The following NPEPPS variants were observed in gnomAD, a reference collection of about 807,000 sequenced individuals.
NPEPPS encodes the protein puromycin-sensitive aminopeptidase.
Under a neutral mutation model 115.5 loss-of-function variants are expected in NPEPPS, and 14 were observed. The ratio of observed to expected loss-of-function variants is 0.12; its 90% CI spans 0.08 to 0.19. The LOEUF (loss-of-function observed/expected upper bound fraction) is 0.19. Among genes scored for constraint, NPEPPS ranks in the 10% least tolerant of loss-of-function variants. The probability of loss-of-function intolerance (pLI) is 1.00; values close to 1 mark genes in which losing one functional copy is unlikely to be tolerated. For missense variants in NPEPPS, 523 were observed against 1,110.8 expected (o/e 0.47, Z 7.52); for synonymous variants, 285 against 390.6 (o/e 0.73, Z 3.19).
intron 14 of NPEPPS, 139 bp downstream of exon 14, chr17:47,599,878 C>T (rs1054738536): frequency 8.7e-6 from 6 of 689,168 alleles, no homozygotes; most frequent in African/African-American, 1.8e-5. Context: ...AGTGCCATAG[C>T]GTGATCTTGG....
intron 2 of NPEPPS, among the ~76,000 whole-genome samples, chr17:47,561,768 C>G (rs1210360825): frequency 6.6e-6 from 1 of 152,218 alleles, no homozygotes; most frequent in Non-Finnish European, 1.5e-5. Flanking sequence ...CCTACCTTGT[C>G]TGATTGGAGG....
At chr17:47,598,508 C>T (rs1004608736) in intron 13 of NPEPPS, among the ~76,000 whole-genome samples, 3 of 152,234 alleles carry the variant, frequency 2.0e-5, no homozygotes, top group Admixed American at 2.0e-4. Context: ...CGCAGTGGCT[C>T]ACATTTGTAA....
At chr17:47,560,503 A>G (rs1910358716) in intron 2 of NPEPPS, among the ~76,000 whole-genome samples, 1 of 152,210 alleles carries the variant, frequency 6.6e-6, no homozygotes, top group Non-Finnish European at 1.5e-5. Flanking sequence ...CTGTCAGTAT[A>G]GGTACTGCTT....
upstream of NPEPPS, among the ~76,000 whole-genome samples, chr17:47,528,017 A>C (rs957065767): frequency 6.6e-6 from 1 of 151,778 alleles, no homozygotes; most frequent in Non-Finnish European, 1.5e-5. Context: ...TTATTATTAT[A>C]TGGGCTGGGC....
chr17:47,606,348 A>C (rs1913515565), intron 17 of NPEPPS, among the ~76,000 whole-genome samples: 2 of 152,044 alleles, frequency 1.3e-5, no homozygotes, highest in South Asian at 4.1e-4. Context: ...ACATATCATT[A>C]TTTTTTATCA....
At chr17:47,549,155 G>A (rs1909450733) in intron 2 of NPEPPS, among the ~76,000 whole-genome samples, 1 of 151,670 alleles carries the variant, frequency 6.6e-6, no homozygotes, top group Non-Finnish European at 1.5e-5. Flanking sequence ...CCAGCCTAGC[G>A]AAGATGGTGA....
At chr17:47,556,329 C>T (rs1910031961) in intron 2 of NPEPPS, among the ~76,000 whole-genome samples, 1 of 151,774 alleles carries the variant, frequency 6.6e-6, no homozygotes, top group Non-Finnish European at 1.5e-5. Flanking sequence ...CAAAGCACAT[C>T]TTGCACCACC....
intron 13 of NPEPPS, among the ~76,000 whole-genome samples, chr17:47,598,359 A>G (rs1912999469): frequency 6.6e-6 from 1 of 152,200 alleles, no homozygotes; most frequent in Admixed American, 6.5e-5. Context: ...CTATAGTCCC[A>G]GCTACTTGGG....
At chr17:47,591,412 A>G (rs1912496761) in intron 10 of NPEPPS, among the ~76,000 whole-genome samples, 2 of 152,106 alleles carry the variant, frequency 1.3e-5, no homozygotes, top group African/African-American at 4.8e-5. Context: ...AGTCATACCT[A>G]TTGGGTAACA....
At chr17:47,542,996 G>T (rs904920384) in intron 1 of NPEPPS, among the ~76,000 whole-genome samples, 1 of 151,912 alleles carries the variant, frequency 6.6e-6, no homozygotes, top group Non-Finnish European at 1.5e-5. Context: ...AATTAGATGG[G>T]TGTGGTGGTG....
rs540724947 is a variant in NPEPPS at position 47,538,577 on chromosome 17, C to T, written c.255+7022C>T. Among the ~76,000 whole-genome samples, 42 of 143,354 alleles carry T rather than the reference C, an allele frequency of 2.9e-4. 1 individual carries two copies. In the South Asian group the frequency reaches 8.1e-3, roughly 28 times the overall value. 94.0% of individuals were successfully genotyped at this position (143,354 alleles called of 152,430 possible). On this transcript the variant is annotated intron_variant, in intron 1 of 22. Coordinates refer to ENST00000322157, the MANE Select transcript of NPEPPS (RefSeq NM_006310.4). The stretch of plus-strand genomic sequence containing the variant: ...CAGAGTCTTGCTCTGTCGCCAAGGC[C>T]GGAGTGCAGTGGCGTGATCTCAGCT...
chr17:47,528,653 C>T (rs191906841), upstream of NPEPPS, among the ~76,000 whole-genome samples: 15 of 151,126 alleles, frequency 9.9e-5, no homozygotes, highest in Admixed American at 2.6e-4. Flanking sequence ...TTTTTTGAGA[C>T]GGAGTTTCAC....
At chr17:47,579,037 A>G (rs920701972) in intron 3 of NPEPPS, among the ~76,000 whole-genome samples, 5 of 152,208 alleles carry the variant, frequency 3.3e-5, no homozygotes, top group African/African-American at 1.2e-4. Flanking sequence ...AGGTTTATAA[A>G]TAGTTATATA....
At chr17:47,563,144 GC>G in intron 2 of NPEPPS, among the ~76,000 whole-genome samples, 1 of 151,636 alleles carries the variant, frequency 6.6e-6, no homozygotes, top group African/African-American at 2.4e-5. Context: ...CGATTCTCCT[GC>G]CTCAGCCTCC....
chr17:47,555,347 C>CTT (rs11301327), intron 2 of NPEPPS, among the ~76,000 whole-genome samples: 1,651 of 118,100 alleles, frequency 0.014, 22 homozygotes, highest in African/African-American at 0.016. Context: ...GTATGCTGTT[C>CTT]TTTTTTTTTT....
Position 47,575,647 on chromosome 17 carries a change from C to A in NPEPPS, c.419-3743C>A, listed in dbSNP as rs1911473704. Among the ~76,000 whole-genome samples the A allele has an allele frequency of 2.0e-5, 3 of 150,206 alleles. No individual in the cohort carries two copies. In the South Asian group the frequency reaches 6.3e-4, roughly 32 times the overall value. ...TGAGATGGAGTCTTGCTCTGTCGTC[C>A]AGGCTGGAGTGCAGTGGCGCGATCT... On this transcript the variant is annotated intron_variant, in intron 3 of 22. Transcript: ENST00000322157.
At chr17:47,529,914 C>G (rs1907608586), upstream of NPEPPS, among the ~76,000 whole-genome samples, 1 of 121,926 alleles carries the variant, frequency 8.2e-6, no homozygotes, top group African/African-American at 2.8e-5. Flanking sequence ...GGTGAAACAT[C>G]CCATTTTATT....
At chr17:47,602,350 G>A (rs1913253703) in intron 15 of NPEPPS, among the ~76,000 whole-genome samples, 2 of 151,924 alleles carry the variant, frequency 1.3e-5, no homozygotes, top group African/African-American at 2.4e-5. Flanking sequence ...CCCGCCGAAC[G>A]CTGTGGTAGC....
chr17:47,618,243 G>A, intron 19 of NPEPPS, 107 bp from the exon 20 acceptor site: 1 of 681,868 alleles, frequency 1.5e-6, no homozygotes, highest in Non-Finnish European at 2.6e-6. Context: ...TACCTAGTGA[G>A]AATATAGAAC....
Sources: gnomAD v4.1 joint callset for allele counts (sites outside exome capture counted in the v4.1 genomes callset) on GRCh38, gnomAD v4.1.1 for gene constraint, MANE v1.5 for transcripts, NCBI Gene and HGNC (gene_info 2026-07-23, HGNC 2026-07-21) for gene names.